MBD5: variants seen among roughly 807,000 people sequenced by gnomAD.
The protein encoded by MBD5 is methyl-CpG binding domain protein 5.
Under a neutral mutation model 117.3 loss-of-function variants are expected in MBD5, and 13 were observed. The observed-to-expected ratio is 0.11, with a 90% confidence interval of 0.07 to 0.18. MBD5 has a LOEUF of 0.18. MBD5 is among the 10% of genes least tolerant of loss of function. The pLI is 1.00. For missense variants in MBD5, 1,879 were observed against 2,093.8 expected, an observed-to-expected ratio of 0.90 and a Z score of 2.00; for synonymous variants, 727 against 766.4, an observed-to-expected ratio of 0.95 and a Z score of 0.85.
At position 148,021,478 on chromosome 2, in the gene MBD5, CTGT is replaced by C. The variant is rs1189845096; in HGVS notation, c.-1128_-1126del. ...GCTGCTGCTGTTGCTGCTGCTGCTG[CTGT>C]TGCTGCTGCTGCTGCTACTGCTGCT... On this transcript the variant is annotated 5_prime_UTR_variant, in exon 1 of 14. Transcript: ENST00000642680. 2.4e-5 allele frequency: 14 copies of C among 576,706 alleles called. No homozygotes were observed. The highest frequency in any genetic ancestry group is 6.5e-5 in the Admixed American group (3 of 46,256). 35.7% of individuals were successfully genotyped at this position (576,706 alleles called of 1,614,324 possible).
chr2:148,345,316 CAT>C (rs768048461), intron 4 of MBD5, among the ~76,000 whole-genome samples: 31 of 146,380 alleles, frequency 2.1e-4, no homozygotes, highest in South Asian at 1.3e-3. Context: ...TATACACACA[CAT>C]ATATATATAT....
intron 3 of MBD5, among the ~76,000 whole-genome samples, chr2:148,268,166 G>T (rs1700903116): frequency 6.6e-6 from 1 of 151,998 alleles, no homozygotes; most frequent in Non-Finnish European, 1.5e-5. Flanking sequence ...GCCCAGGCTG[G>T]TCATGAACTC....
intron 3 of MBD5, among the ~76,000 whole-genome samples, chr2:148,239,023 C>CACACAT (rs1700153149): frequency 1.3e-5 from 2 of 149,724 alleles, no homozygotes; most frequent in African/African-American, 2.5e-5. Context: ...ATTATATACA[C>CACACAT]ACACACACGT....
At chr2:148,287,256 C>T (rs1003631617) in intron 3 of MBD5, among the ~76,000 whole-genome samples, 5 of 152,076 alleles carry the variant, frequency 3.3e-5, no homozygotes, top group Non-Finnish European at 7.4e-5. Context: ...CACATCTTTC[C>T]CAATATTGAC....
At position 148,462,562 on chromosome 2, in the gene MBD5, T is replaced by G. The variant is rs778873825; in HGVS notation, c.114-20T>G. On this transcript the variant is annotated intron_variant, in intron 5 of 13. Transcript: ENST00000642680. ...GTAGTCAAAATTATTTCCTGATGTT[T>G]TTTTAAACTATTTTTACAGTCCCAG... is the stretch of plus-strand genomic sequence containing the variant. 13 of 1,482,132 alleles carry G rather than the reference T, an allele frequency of 8.8e-6. No individual in the cohort carries two copies. The highest frequency in any genetic ancestry group is 1.0e-5 in the Non-Finnish European group (11 of 1,061,184). 91.8% of individuals were successfully genotyped at this position (1,482,132 alleles called of 1,614,324 possible).
At chr2:148,324,395 G>T (rs1242667276) in intron 3 of MBD5, among the ~76,000 whole-genome samples, 1 of 152,140 alleles carries the variant, frequency 6.6e-6, no homozygotes, top group East Asian at 1.9e-4. Context: ...TAGCTTGATG[G>T]GGATGGCATT....
At chr2:148,355,999 G>A (rs1387500686) in intron 4 of MBD5, among the ~76,000 whole-genome samples, 3 of 152,126 alleles carry the variant, frequency 2.0e-5, no homozygotes, top group African/African-American at 7.2e-5. Flanking sequence ...ACTCTCTTGA[G>A]CAGTGGTTTG....
At chr2:148,274,911 C>T (rs1701070399) in intron 3 of MBD5, among the ~76,000 whole-genome samples, 1 of 151,788 alleles carries the variant, frequency 6.6e-6, no homozygotes, top group Non-Finnish European at 1.5e-5. Context: ...TTAGTAGAGA[C>T]GGGGTTTCAC....
intron 1 of MBD5, among the ~76,000 whole-genome samples, chr2:148,052,958 G>A (rs1008369303): frequency 3.5e-5 from 4 of 115,226 alleles, no homozygotes; most frequent in South Asian, 2.8e-4. Flanking sequence ...CCAAGAGTTC[G>A]TCTCAAAAAA....
chr2:148,330,960 T>C (rs1702629576), intron 3 of MBD5, among the ~76,000 whole-genome samples: 1 of 152,206 alleles, frequency 6.6e-6, no homozygotes, highest in Non-Finnish European at 1.5e-5. Context: ...TATCCAAGAT[T>C]ATATAACTAG....
chr2:148,470,769 C>CA (rs1680771036), intron 8 of MBD5: 1 of 385,230 alleles, frequency 2.6e-6, no homozygotes, highest in Non-Finnish European at 4.6e-6. Flanking sequence ...CCATACGAGG[C>CA]AGGGTTTCCT....
intron 3 of MBD5, among the ~76,000 whole-genome samples, chr2:148,298,847 C>G (rs4972352): frequency 6.4e-4 from 98 of 152,306 alleles, no homozygotes; most frequent in South Asian, 2.3e-3. Context: ...ACAACCTAAC[C>G]TAAGTACACC....
intron 4 of MBD5, chr2:148,345,965 T>C (rs1236117948): frequency 6.6e-6 from 1 of 151,864 alleles, no homozygotes; most frequent in Non-Finnish European, 1.5e-5. Flanking sequence ...CCATTCAGAT[T>C]AAGGGTGGAC....
At chr2:148,471,416 A>C (rs1398205659) in intron 8 of MBD5, 1 of 152,174 alleles carries the variant, frequency 6.6e-6, no homozygotes, top group Non-Finnish European at 1.5e-5. Flanking sequence ...AATGACAAGG[A>C]GGAAATAAAA....
At chr2:148,355,034 A>AT (rs1363552931) in intron 4 of MBD5, among the ~76,000 whole-genome samples, 1 of 141,734 alleles carries the variant, frequency 7.1e-6, no homozygotes, top group Middle Eastern at 3.3e-3. Context: ...GATGATGCGC[A>AT]TTTTTTCATA....
intron 3 of MBD5, among the ~76,000 whole-genome samples, chr2:148,312,856 T>C (rs536431870): frequency 2.0e-5 from 3 of 152,216 alleles, no homozygotes; most frequent in Non-Finnish European, 4.4e-5. Context: ...TTTTTGTTGA[T>C]GTCGATGCTA....
intron 1 of MBD5, among the ~76,000 whole-genome samples, chr2:148,087,724 C>G (rs1267426984): frequency 2.0e-5 from 3 of 152,192 alleles, no homozygotes; most frequent in African/African-American, 4.8e-5. Context: ...CAGCAGCACT[C>G]TAGTTCCACA....
At chr2:148,177,026 A>C (rs1345112232) in intron 1 of MBD5, among the ~76,000 whole-genome samples, 1 of 152,190 alleles carries the variant, frequency 6.6e-6, no homozygotes, top group African/African-American at 2.4e-5. Context: ...AGTTTACCTA[A>C]GAGGATAGCA....
chr2:148,393,290 G>A (rs528607781), intron 4 of MBD5: 1 of 152,194 alleles, frequency 6.6e-6, no homozygotes, highest in Non-Finnish European at 1.5e-5. Flanking sequence ...CACCCAATCT[G>A]TTTTCCATAG....
Sources: gnomAD v4.1 joint callset for allele counts (sites outside exome capture counted in the v4.1 genomes callset) on GRCh38, gnomAD v4.1.1 for gene constraint, MANE v1.5 for transcripts, NCBI Gene and HGNC (gene_info 2026-07-23, HGNC 2026-07-21) for gene names.